Variants in TMPRSS15 observed in about 807,000 individuals in gnomAD.
The protein encoded by TMPRSS15 is enteropeptidase.
TMPRSS15 carries 128 observed loss-of-function variants against 125.3 expected under a neutral mutation model. The observed-to-expected ratio is 1.02, with a 90% CI of 0.89 to 1.18. TMPRSS15 has a LOEUF of 1.18. Ranked by LOEUF, TMPRSS15 falls within the 50% of genes most tolerant of loss-of-function variation. The pLI, the probability that TMPRSS15 is intolerant of heterozygous loss-of-function variation, is 0.00. For missense variants in TMPRSS15, 1,283 were observed against 1,212.7 expected (o/e 1.06, Z -0.86); for synonymous variants, 446 against 423.2 (o/e 1.05, Z -0.66).
chr21:18,478,272 C>T lies in TMPRSS15; in HGVS notation c.10+7527G>A, dbSNP rs149623894. ...ATCATTTTCATGTCTCCATCTACAC[C>T]GTCCCTACCCAGTTTGATTATCTCC... On this transcript the variant is annotated intron_variant, in intron 1 of 7. Coordinates refer to the TMPRSS15 transcript ENST00000422787. 2.3e-3 allele frequency among the ~76,000 whole-genome samples: 350 copies of T among 152,042 alleles called. 1 individual carries two copies. The highest frequency in any genetic ancestry group is 3.4e-3 in the Middle Eastern group (1 of 294).
Position 18,315,221 on chromosome 21 carries a change from C to A in TMPRSS15, c.1957G>T (p.Gly653Ter), listed in dbSNP as rs755553149. Residue 653 changes from glycine to a stop codon, truncating the protein, a stop_gained, in exon 17 of 25, where the codon GGA becomes TGA. Coordinates refer to ENST00000284885, the MANE Select transcript of TMPRSS15 (RefSeq NM_002772.3). LOFTEE classifies it high-confidence loss of function. ...CKADHFQCKN[G>*]ECVPLVNLCD... Reference sequence around the variant, plus strand: ...AGATTCACCAGTGGAACACACTCTCCATTTTTACATTGAAAATGGTCTGCC... The same window carrying A: ...AGATTCACCAGTGGAACACACTCTCAATTTTTACATTGAAAATGGTCTGCC... 19 of 1,613,858 alleles carry A rather than the reference C, an allele frequency of 1.2e-5. No individual in the cohort carries two copies. Among genetic ancestry groups the A allele is most frequent in the Admixed American group, 6.7e-5 (4 of 60,032 alleles).
chr21:18,332,809 C>A (rs899715424), intron 13 of TMPRSS15, among the ~76,000 whole-genome samples: 1 of 152,080 alleles, frequency 6.6e-6, no homozygotes, highest in African/African-American at 2.4e-5. Context: ...TTCATTGCAG[C>A]GCTATTCAAA....
chr21:18,452,797 A>C (rs1219602980), intron 1 of TMPRSS15, among the ~76,000 whole-genome samples: 1 of 152,208 alleles, frequency 6.6e-6, no homozygotes, highest in African/African-American at 2.4e-5. Context: ...AGTTACAATT[A>C]ATATAGAAAA....
intron 1 of TMPRSS15, among the ~76,000 whole-genome samples, chr21:18,474,188 A>G (rs1978832757): frequency 6.6e-6 from 1 of 152,014 alleles, no homozygotes. Flanking sequence ...TCCATATCTC[A>G]TATCTCCATC....
intron 3 of TMPRSS15, among the ~76,000 whole-genome samples, chr21:18,395,971 T>C (rs1376360755): frequency 6.6e-6 from 1 of 152,208 alleles, no homozygotes; most frequent in African/African-American, 2.4e-5. Context: ...AATTGTGGGC[T>C]TGGAGCTTTC....
At chr21:18,343,825 G>A in intron 11 of TMPRSS15, 130 bp downstream of exon 11, 1 of 1,145,826 alleles carries the variant, frequency 8.7e-7, no homozygotes, top group South Asian at 1.3e-5. Flanking sequence ...TTGCTTATCA[G>A]TTGGGAAAAG....
intron 21 of TMPRSS15, among the ~76,000 whole-genome samples, chr21:18,285,586 G>C (rs1415174303): frequency 6.6e-6 from 1 of 152,106 alleles, no homozygotes; most frequent in South Asian, 2.1e-4. Flanking sequence ...TAGCCAATTC[G>C]AATATTTAAG....
intron 5 of TMPRSS15, among the ~76,000 whole-genome samples, chr21:18,376,296 G>C (rs2075842500): frequency 6.6e-6 from 1 of 151,876 alleles, no homozygotes; most frequent in Admixed American, 6.6e-5. Flanking sequence ...TTGATACCAT[G>C]TGAGTAGGAA....
At chr21:18,294,710 A>G (rs1311527781) in intron 19 of TMPRSS15, 58 bp from the exon 20 acceptor site, 2 of 1,442,154 alleles carry the variant, frequency 1.4e-6, no homozygotes, top group East Asian at 4.5e-5. Flanking sequence ...TTCAAGTCAA[A>G]CATCATATAG....
At chr21:18,344,494 C>G (rs962680257) in intron 10 of TMPRSS15, among the ~76,000 whole-genome samples, 18 of 152,162 alleles carry the variant, frequency 1.2e-4, no homozygotes, top group African/African-American at 4.3e-4. Context: ...TTAAGAGTTT[C>G]TAAGATTTTC....
At chr21:18,436,461 T>C (rs148949350) in intron 1 of TMPRSS15, among the ~76,000 whole-genome samples, 16,647 of 151,720 alleles carry the variant, frequency 0.11, 1,011 homozygotes, top group African/African-American at 0.13. Context: ...TTTCTTAATC[T>C]TGAGTTCTAG....
intron 18 of TMPRSS15, among the ~76,000 whole-genome samples, chr21:18,303,151 C>T (rs762818916): frequency 2.0e-5 from 3 of 152,126 alleles, no homozygotes; most frequent in Non-Finnish European, 4.4e-5. Context: ...GAATCTCAGA[C>T]ATAAGTGTTA....
At chr21:18,375,688 G>C (rs1368748429) in intron 5 of TMPRSS15, among the ~76,000 whole-genome samples, 1 of 152,122 alleles carries the variant, frequency 6.6e-6, no homozygotes, top group Non-Finnish European at 1.5e-5. Flanking sequence ...AAACACACCA[G>C]TAGATTAGTA....
In TMPRSS15 at chr21:18,319,906, T is replaced by C. The variant is rs142567489; in HGVS notation, c.1922-4650A>G. 5.9e-5 allele frequency among the ~76,000 whole-genome samples: 9 copies of C among 152,340 alleles called. 1 individual carries two copies. Among genetic ancestry groups the C allele is most frequent in the Admixed American group, 1.3e-4 (2 of 15,302 alleles). On this transcript the variant is annotated intron_variant, in intron 16 of 24. Transcript: ENST00000284885. ...CTTTGAAGAAATCTGTATTTTTTCATCTGAAATCTAAGTTACCTTAACAAG... is the reference window on the plus strand; with the variant it reads ...CTTTGAAGAAATCTGTATTTTTTCACCTGAAATCTAAGTTACCTTAACAAG...
rs117315731 is a variant in TMPRSS15 at position 18,313,693 on chromosome 21, A to C, written c.2033-616T>G. 5.4e-3 allele frequency among the ~76,000 whole-genome samples: 824 copies of C among 151,978 alleles called. 6 individuals carry two copies. Among genetic ancestry groups the C allele is most frequent in the South Asian group, 0.021 (102 of 4,826 alleles). The stretch of plus-strand genomic sequence containing the variant: ...TGGAAGGTCTAATTTGAAAAATATA[A>C]ATTTAGTAGACAATTTTGCTCTTTT... On this transcript the variant is annotated intron_variant, in intron 17 of 24. Transcript: ENST00000284885.
intron 24 of TMPRSS15, among the ~76,000 whole-genome samples, chr21:18,273,258 G>A (rs557396514): frequency 6.6e-6 from 1 of 152,188 alleles, no homozygotes; most frequent in South Asian, 2.1e-4. Context: ...GACTAATAAG[G>A]CACATTCTTT....
chr21:18,466,241 C>T (rs1463094688), intron 1 of TMPRSS15, among the ~76,000 whole-genome samples: 2 of 152,144 alleles, frequency 1.3e-5, no homozygotes, highest in Non-Finnish European at 2.9e-5. Context: ...CCCTTCCTTA[C>T]ACCTTATACA....
At position 18,383,732 on chromosome 21, in the gene TMPRSS15, C is replaced by A. The variant is rs1569047074; in HGVS notation, c.391G>T (p.Val131Leu). The change falls in exon 4 of 25, where the codon GTG (valine) becomes TTG (leucine). Residue 131 changes from valine to leucine, a missense_variant. By Grantham distance (32) the Val-to-Leu change is conservative. Transcript: ENST00000284885. ...TCTTCTTTTACATTTTCATCTGACA[C>A]CCACTGGGCAAAGAAAAGGTCAAAT... is the stretch of plus-strand genomic sequence containing the variant. ...VVFDLFFAQW[V>L]SDENVKEELI... is the part of the protein sequence containing the mutation. 2 of 1,613,810 alleles carry A rather than the reference C, an allele frequency of 1.2e-6. No homozygotes were observed. Among genetic ancestry groups the A allele is most frequent in the Non-Finnish European group, 1.7e-6 (2 of 1,179,886 alleles).
chr21:18,282,232 T>A (rs1002453641), intron 21 of TMPRSS15, among the ~76,000 whole-genome samples: 1 of 152,090 alleles, frequency 6.6e-6, no homozygotes, highest in Non-Finnish European at 1.5e-5. Context: ...ATAACACTTG[T>A]GTTGTAGAAC....
Sources: gnomAD v4.1 joint callset for allele counts (sites outside exome capture counted in the v4.1 genomes callset) on GRCh38, gnomAD v4.1.1 for gene constraint, MANE v1.5 for transcripts, NCBI Gene and HGNC (gene_info 2026-07-23, HGNC 2026-07-21) for gene names.